ADGRB3: variants seen among roughly 807,000 people sequenced by gnomAD.
The protein encoded by ADGRB3 is adhesion G protein-coupled receptor B3.
Under a neutral mutation model 193.4 loss-of-function variants are expected in ADGRB3, and 37 were observed. The observed-to-expected ratio is 0.19, with a 90% CI of 0.15 to 0.25. The LOEUF (loss-of-function observed/expected upper bound fraction) is 0.25. ADGRB3 is among the 10% of genes least tolerant of loss of function. The probability of loss-of-function intolerance (pLI) is 1.00; values close to 1 mark genes in which losing one functional copy is unlikely to be tolerated. For synonymous variants in ADGRB3, 690 were observed against 644.2 expected, an observed-to-expected ratio of 1.07 and a Z score of -1.08; for missense variants, 1,637 against 1,852.9, an observed-to-expected ratio of 0.88 and a Z score of 2.14.
chr6:68,862,315 A>G lies in ADGRB3; in HGVS notation c.758-68244A>G, dbSNP rs115804888. 4.2e-3 allele frequency among the ~76,000 whole-genome samples: 640 copies of G among 152,328 alleles called. 7 individuals are homozygous for G. Among genetic ancestry groups the G allele is most frequent in the African/African-American group, 0.013 (554 of 41,566 alleles). On this transcript the variant is annotated intron_variant, in intron 3 of 31. Coordinates refer to ENST00000370598, the MANE Select transcript of ADGRB3 (RefSeq NM_001704.3). ...TATTGTTTCTTCATAAAATCTGTCT[A>G]TGGGGAGATGTCTCTCACTCACATT...
chr6:69,222,977 ATTTC>A (rs1030886521), intron 17 of ADGRB3, among the ~76,000 whole-genome samples: 35 of 152,124 alleles, frequency 2.3e-4, no homozygotes, highest in African/African-American at 7.7e-4. Context: ...AGTTTTTCAT[ATTTC>A]TTTATTTCAT....
chr6:69,283,384 G>T lies in ADGRB3; in HGVS notation c.2815-41488G>T, dbSNP rs148099501. Among the ~76,000 whole-genome samples the T allele has an allele frequency of 1.3e-3, 201 of 152,148 alleles. 2 individuals carry two copies. In the East Asian group the frequency reaches 0.038, roughly 29 times the overall value. ...ACCCTTTTTCTCAAGGATTGGAGAG[G>T]GAGCTCCTGCCTCCCAGCTGATCTT... On this transcript the variant is annotated intron_variant, in intron 20 of 31. Transcript: ENST00000370598.
intron 3 of ADGRB3, among the ~76,000 whole-genome samples, chr6:68,775,039 T>C (rs969970249): frequency 1.3e-5 from 2 of 151,790 alleles, no homozygotes; most frequent in African/African-American, 4.8e-5. Context: ...GAAAGGTGAA[T>C]GGCTCCTGCC....
chr6:68,705,284 G>A (rs1765305772), intron 3 of ADGRB3, among the ~76,000 whole-genome samples: 1 of 152,156 alleles, frequency 6.6e-6, no homozygotes, highest in Non-Finnish European at 1.5e-5. Flanking sequence ...TGTAGGGACT[G>A]TGATTTCTCC....
chr6:69,154,627 C>G (rs1774779640), intron 17 of ADGRB3, among the ~76,000 whole-genome samples: 1 of 152,180 alleles, frequency 6.6e-6, no homozygotes, highest in South Asian at 2.1e-4. Flanking sequence ...CCAGAGCACC[C>G]TTTACCTCCC....
intron 20 of ADGRB3, among the ~76,000 whole-genome samples, chr6:69,250,357 ATTTC>A (rs1344316158): frequency 6.6e-6 from 1 of 152,054 alleles, no homozygotes; most frequent in Admixed American, 6.6e-5. Context: ...AAGACCACCT[ATTTC>A]TTTGTTTAGA....
At position 69,218,768 on chromosome 6, in the gene ADGRB3, G is replaced by A. The variant is rs546716084; in HGVS notation, c.2481-14522G>A. On this transcript the variant is annotated intron_variant, in intron 17 of 31. Coordinates refer to ENST00000370598, the MANE Select transcript of ADGRB3 (RefSeq NM_001704.3). ...AAAGTTGTAGTCAGTAGACAAAATC[G>A]GAGCCAATGAGAATTTATGGGGTCA... Among the ~76,000 whole-genome samples, 6 of 152,192 alleles carry A rather than the reference G, an allele frequency of 3.9e-5. No individual in the cohort carries two copies. The South Asian group carries it at 6.2e-4, about 16-fold the overall frequency.
At chr6:69,383,073 T>C in intron 31 of ADGRB3, 138 bp downstream of exon 31, 1 of 471,208 alleles carries the variant, frequency 2.1e-6, no homozygotes, top group Non-Finnish European at 3.6e-6. Context: ...CAAAACATAC[T>C]TTGGAAAGTC....
At chr6:69,289,028 A>T (rs565235255) in intron 20 of ADGRB3, among the ~76,000 whole-genome samples, 16 of 152,250 alleles carry the variant, frequency 1.1e-4, no homozygotes, top group Non-Finnish European at 1.9e-4. Flanking sequence ...TGCGTTATAA[A>T]AAGATAGCTA....
rs1420181695 is a variant in ADGRB3 at position 69,361,426 on chromosome 6, A to C, written c.4153A>C (p.Lys1385Gln). 4 of 1,612,890 alleles carry C rather than the reference A, an allele frequency of 2.5e-6. No individual in the cohort carries two copies. The highest frequency in any genetic ancestry group is 4.5e-5 in the East Asian group (2 of 44,874). The change falls in exon 29 of 32, where the codon AAG becomes CAG. Residue 1385 changes from lysine (K) to glutamine (Q), a missense_variant. Coordinates refer to ENST00000370598, the MANE Select transcript of ADGRB3 (RefSeq NM_001704.3). ...NLPFEPRTAVKNFMASELDDN... is the reference protein window; with the variant it reads ...NLPFEPRTAVQNFMASELDDN... ...GCCCTTTGAACCTCGCACAGCTGTG[A>C]AGAATTTCATGGCCTCTGAGTTGGA...
At chr6:69,378,633 G>A (rs560987751) in intron 30 of ADGRB3, among the ~76,000 whole-genome samples, 12 of 152,060 alleles carry the variant, frequency 7.9e-5, no homozygotes, top group Non-Finnish European at 1.5e-4. Context: ...ACCCTGCAAC[G>A]TAAGTCTGAT....
At position 68,808,084 on chromosome 6, in the gene ADGRB3, C is replaced by G. The variant is rs188667761; in HGVS notation, c.758-122475C>G. Reference sequence around the variant, plus strand: ...TTCCAGGTCAAATGGATCCAATTTCCTCTTACTCCTGAAAAAATAAAGACA... The same window carrying G: ...TTCCAGGTCAAATGGATCCAATTTCGTCTTACTCCTGAAAAAATAAAGACA... On this transcript the variant is annotated intron_variant, in intron 3 of 31. Transcript: ENST00000370598. Among the ~76,000 whole-genome samples, 238 of 152,134 alleles carry G rather than the reference C, an allele frequency of 1.6e-3. 1 individual carries two copies. Among genetic ancestry groups the G allele is most frequent in the Admixed American group, 4.6e-3 (70 of 15,262 alleles).
At position 69,232,660 on chromosome 6, in the gene ADGRB3, G is replaced by A. The variant is rs773985732; in HGVS notation, c.2481-630G>A. On this transcript the variant is annotated intron_variant, in intron 17 of 31. Coordinates refer to ENST00000370598, the MANE Select transcript of ADGRB3 (RefSeq NM_001704.3). ...AAACCCACCCCTCCCCTGGATACCA[G>A]GCAAAGGCAATGAGAGTCGGAACCA... 57 of 1,526,130 alleles carry A rather than the reference G, an allele frequency of 3.7e-5. No homozygotes were observed. In the South Asian group the frequency reaches 5.9e-4, roughly 16 times the overall value. 94.5% of individuals were successfully genotyped at this position (1,526,130 alleles called of 1,614,324 possible).
intron 17 of ADGRB3, among the ~76,000 whole-genome samples, chr6:69,197,919 T>A (rs1561949713): frequency 6.6e-6 from 1 of 152,116 alleles, no homozygotes; most frequent in Non-Finnish European, 1.5e-5. Context: ...TCCTGTCTCT[T>A]ACTTAATTCA....
intron 8 of ADGRB3, among the ~76,000 whole-genome samples, chr6:68,961,306 T>G (rs951334351): frequency 6.6e-6 from 1 of 152,164 alleles, no homozygotes; most frequent in Non-Finnish European, 1.5e-5. Context: ...TTTGAACAAG[T>G]CTGATGTAAA....
chr6:68,826,690 T>C (rs62418566), intron 3 of ADGRB3, among the ~76,000 whole-genome samples: 14,473 of 151,954 alleles, frequency 0.095, 920 homozygotes, highest in Non-Finnish European at 0.14. Context: ...TGACAAAGGG[T>C]AGTGGTTTTC....
rs182351297 is a variant in ADGRB3, at chr6:68,813,275, A to G, written c.758-117284A>G. On this transcript the variant is annotated intron_variant, in intron 3 of 31. Coordinates refer to ENST00000370598, the MANE Select transcript of ADGRB3 (RefSeq NM_001704.3). ...TGTGAGGCCTCCCCAGCCATTTGGA[A>G]CTGTAAGTCAAATTAAACCTCCTTT... Among the ~76,000 whole-genome samples the G allele has an allele frequency of 1.9e-4, 29 of 152,220 alleles. No individual in the cohort carries two copies. In the East Asian group the frequency reaches 3.7e-3, roughly 19 times the overall value.
chr6:69,327,185 A>C (rs1016727791), intron 21 of ADGRB3, among the ~76,000 whole-genome samples: 1 of 152,176 alleles, frequency 6.6e-6, no homozygotes, highest in Non-Finnish European at 1.5e-5. Context: ...TAGAGACTCT[A>C]CCAAAATACA....
chr6:69,169,338 G>T (rs564721964), intron 17 of ADGRB3, among the ~76,000 whole-genome samples: 2 of 151,900 alleles, frequency 1.3e-5, no homozygotes, highest in South Asian at 4.2e-4. Context: ...ATATAACTTC[G>T]TATTAGAGTT....
Sources: allele counts gnomAD v4.1 joint callset (sites outside exome capture counted in the v4.1 genomes callset), GRCh38; gene constraint gnomAD v4.1.1; transcripts MANE v1.5; gene names NCBI Gene and HGNC (gene_info 2026-07-23, HGNC 2026-07-21).